Variants in CDH12 observed in about 807,000 individuals in gnomAD.
CDH12 encodes the protein cadherin 12, also known as cadherin-12.
CDH12 carries 41 observed loss-of-function variants against 74.1 expected under a neutral mutation model. The ratio of observed to expected loss-of-function variants is 0.55; its 90% confidence interval spans 0.43 to 0.72. The LOEUF (loss-of-function observed/expected upper bound fraction) is 0.72, where lower values mean the gene tolerates loss of function less well. CDH12 is among the 30% of genes least tolerant of loss of function. The pLI, the probability that CDH12 is intolerant of heterozygous loss-of-function variation, is 0.00. For missense variants in CDH12, 945 were observed against 977.2 expected (o/e 0.97, Z 0.44); for synonymous variants, 399 against 355.0 (o/e 1.12, Z -1.39).
At chr5:21,960,739 G>A (rs978977677) in intron 6 of CDH12, among the ~76,000 whole-genome samples, 1 of 151,820 alleles carries the variant, frequency 6.6e-6, no homozygotes, top group African/African-American at 2.4e-5. Context: ...ACACACGTGT[G>A]TGTGTGTAGG....
At chr5:22,743,780 C>T (rs1745154298) in intron 1 of CDH12, among the ~76,000 whole-genome samples, 1 of 151,952 alleles carries the variant, frequency 6.6e-6, no homozygotes, top group Non-Finnish European at 1.5e-5. Context: ...AAATATGTAA[C>T]ATTCCTGTTA....
At chr5:22,720,108 C>T (rs1039558589) in intron 1 of CDH12, among the ~76,000 whole-genome samples, 2 of 152,018 alleles carry the variant, frequency 1.3e-5, no homozygotes, top group Non-Finnish European at 2.9e-5. Context: ...TATGGTTTGG[C>T]TACATGTCCC....
chr5:22,046,378 A>G (rs977385566), intron 5 of CDH12, among the ~76,000 whole-genome samples: 1 of 151,326 alleles, frequency 6.6e-6, no homozygotes, highest in African/African-American at 2.4e-5. Flanking sequence ...GTCTGGGCAG[A>G]TATAATAGCT....
chr5:22,848,831 T>C (rs911843457), intron 1 of CDH12, among the ~76,000 whole-genome samples: 2 of 152,208 alleles, frequency 1.3e-5, no homozygotes, highest in African/African-American at 4.8e-5. Context: ...ATTTTGTAGA[T>C]AATCTGTCTT....
chr5:21,879,910 A>C (rs1221517075), intron 6 of CDH12, among the ~76,000 whole-genome samples: 2 of 152,250 alleles, frequency 1.3e-5, no homozygotes, highest in African/African-American at 4.8e-5. Flanking sequence ...TAGTTGATCT[A>C]ACAGGTAGAT....
chr5:21,859,548 C>A (rs1211867513), intron 6 of CDH12, among the ~76,000 whole-genome samples: 1 of 151,868 alleles, frequency 6.6e-6, no homozygotes, highest in East Asian at 1.9e-4. Flanking sequence ...ATTCACCAGT[C>A]CAGAAATCAA....
chr5:22,403,503 G>A (rs1291048284), intron 3 of CDH12, among the ~76,000 whole-genome samples: 1 of 152,186 alleles, frequency 6.6e-6, no homozygotes, highest in Non-Finnish European at 1.5e-5. Flanking sequence ...TCCTATCAAT[G>A]TTCTCCAGAT....
At chr5:22,597,648 G>A (rs4336322) in intron 1 of CDH12, among the ~76,000 whole-genome samples, 5,595 of 152,160 alleles carry the variant, frequency 0.037, 320 homozygotes, top group African/African-American at 0.12. Flanking sequence ...TATCTCCAGA[G>A]TATTTGTTGT....
chr5:22,314,463 A>C (rs759355908), intron 3 of CDH12, among the ~76,000 whole-genome samples: 1 of 152,208 alleles, frequency 6.6e-6, no homozygotes, highest in Non-Finnish European at 1.5e-5. Flanking sequence ...ATGCTTGGAC[A>C]CAGCAGGAAG....
chr5:22,629,799 T>C (rs1024414637), intron 1 of CDH12, among the ~76,000 whole-genome samples: 2 of 151,926 alleles, frequency 1.3e-5, no homozygotes, highest in African/African-American at 4.8e-5. Flanking sequence ...GGCATCCAAA[T>C]AGGAAGGGAA....
intron 3 of CDH12, among the ~76,000 whole-genome samples, chr5:22,235,722 A>G (rs1323658305): frequency 6.6e-6 from 1 of 152,226 alleles, no homozygotes. Context: ...AGCAGGTCTA[A>G]AGAACATATG....
intron 2 of CDH12, among the ~76,000 whole-genome samples, chr5:22,482,498 T>A (rs888142554): frequency 6.6e-6 from 1 of 152,126 alleles, no homozygotes; most frequent in Admixed American, 6.6e-5. Context: ...TGCTAGCAAA[T>A]CAAATATTTA....
chr5:22,052,352 ATG>A (rs2150195437), intron 5 of CDH12, among the ~76,000 whole-genome samples: 1 of 152,220 alleles, frequency 6.6e-6, no homozygotes, highest in Admixed American at 6.6e-5. Context: ...ACCTAAAACT[ATG>A]TGTGATTATC....
intron 1 of CDH12, among the ~76,000 whole-genome samples, chr5:22,845,602 G>T (rs1235126642): frequency 6.6e-6 from 1 of 152,200 alleles, no homozygotes; most frequent in Non-Finnish European, 1.5e-5. Flanking sequence ...GTTGGATAAG[G>T]GTAGAGATGA....
At chr5:22,569,628 T>C (rs1271813527) in intron 1 of CDH12, among the ~76,000 whole-genome samples, 1 of 152,204 alleles carries the variant, frequency 6.6e-6, no homozygotes, top group African/African-American at 2.4e-5. Context: ...GTTTACAGCA[T>C]CTTACTAGGA....
chr5:21,781,989 A>G (rs115420370), intron 11 of CDH12, among the ~76,000 whole-genome samples: 6 of 152,300 alleles, frequency 3.9e-5, no homozygotes, highest in African/African-American at 1.4e-4. Context: ...ATTTATTACA[A>G]TTTTGTGGGT....
chr5:21,839,598 G>GA (rs1287816466), intron 8 of CDH12, among the ~76,000 whole-genome samples: 1 of 150,866 alleles, frequency 6.6e-6, no homozygotes, highest in Middle Eastern at 3.5e-3. Context: ...ATGATTTTAA[G>GA]AAAAAAAATG....
intron 1 of CDH12, among the ~76,000 whole-genome samples, chr5:22,699,357 G>A (rs1030052923): frequency 1.2e-4 from 19 of 152,126 alleles, no homozygotes; most frequent in Non-Finnish European, 2.4e-4. Context: ...TTGTTAACAC[G>A]ATTAACTACA....
At chr5:22,538,179 C>T (rs867519771) in intron 1 of CDH12, among the ~76,000 whole-genome samples, 2 of 152,152 alleles carry the variant, frequency 1.3e-5, no homozygotes, top group South Asian at 4.1e-4. Context: ...CTTTCTCTCT[C>T]TTTCATTAAC....
Sources: gnomAD v4.1 joint callset for allele counts (sites outside exome capture counted in the v4.1 genomes callset) on GRCh38, gnomAD v4.1.1 for gene constraint, MANE v1.5 for transcripts, NCBI Gene and HGNC (gene_info 2026-07-23, HGNC 2026-07-21) for gene names.